The following PTPRG variants were observed in gnomAD, a reference collection of about 807,000 sequenced individuals.
PTPRG encodes receptor-type tyrosine-protein phosphatase gamma.
A neutral mutation model predicts 165.3 loss-of-function variants in PTPRG; 102 were observed. The observed-to-expected ratio is 0.62, with a 90% CI of 0.53 to 0.73. The LOEUF (loss-of-function observed/expected upper bound fraction) is 0.73, where lower values mean the gene tolerates loss of function less well. PTPRG is among the 30% of genes least tolerant of loss of function. The pLI, the probability that PTPRG is intolerant of heterozygous loss-of-function variation, is 0.00. For synonymous variants in PTPRG, 675 were observed against 669.5 expected, an observed-to-expected ratio of 1.01 and a Z score of -0.13; for missense variants, 1,866 against 1,861.4, an observed-to-expected ratio of 1.00 and a Z score of -0.05.
intron 2 of PTPRG, chr3:61,771,518 A>G (rs967951761): frequency 6.6e-6 from 1 of 152,142 alleles, no homozygotes; most frequent in Non-Finnish European, 1.5e-5. Context: ...AAGATCATCA[A>G]ATGCCTAGAC....
intron 2 of PTPRG, among the ~76,000 whole-genome samples, chr3:61,845,440 C>G (rs762278134): frequency 2.0e-5 from 3 of 152,336 alleles, no homozygotes; most frequent in African/African-American, 7.2e-5. Flanking sequence ...AATGTTTCCA[C>G]TGGGAAGATG....
chr3:61,824,215 A>G (rs921171192), intron 2 of PTPRG, among the ~76,000 whole-genome samples: 1 of 152,224 alleles, frequency 6.6e-6, no homozygotes, highest in Non-Finnish European at 1.5e-5. Flanking sequence ...ACACTAGACT[A>G]TTCCTATTGA....
At chr3:61,968,934 G>C (rs986435217) in intron 2 of PTPRG, among the ~76,000 whole-genome samples, 2 of 152,120 alleles carry the variant, frequency 1.3e-5, no homozygotes, top group Non-Finnish European at 2.9e-5. Context: ...TTGAGACATG[G>C]TGTTGTCTGT....
intron 3 of PTPRG, among the ~76,000 whole-genome samples, chr3:61,990,809 G>A (rs2040867294): frequency 6.6e-6 from 1 of 151,866 alleles, no homozygotes; most frequent in Non-Finnish European, 1.5e-5. Context: ...TCCCTTTCAG[G>A]AGCCTTGGCT....
chr3:61,612,859 TTGTG>T (rs57134478), intron 1 of PTPRG, among the ~76,000 whole-genome samples: 56,894 of 150,220 alleles, frequency 0.38, 11,359 homozygotes, highest in South Asian at 0.49. Flanking sequence ...TGGAATTAAT[TTGTG>T]TGTGTGTGTG....
chr3:61,883,014 C>T (rs150221345), intron 2 of PTPRG, among the ~76,000 whole-genome samples: 2 of 152,272 alleles, frequency 1.3e-5, no homozygotes, highest in Non-Finnish European at 2.9e-5. Context: ...CAACCTTCAA[C>T]CCCTGTGTTC....
chr3:62,094,947 G>A (rs147316893), intron 5 of PTPRG, among the ~76,000 whole-genome samples: 14 of 152,300 alleles, frequency 9.2e-5, no homozygotes, highest in African/African-American at 3.4e-4. Context: ...TCCACAGGCC[G>A]ACTGTGCCAT....
intron 2 of PTPRG, among the ~76,000 whole-genome samples, chr3:61,895,286 C>T (rs2107508836): frequency 6.6e-6 from 1 of 152,226 alleles, no homozygotes; most frequent in East Asian, 1.9e-4. Flanking sequence ...GTTTCTTGGA[C>T]CGTACTTTTA....
At chr3:61,944,516 C>G (rs1393223918) in intron 2 of PTPRG, among the ~76,000 whole-genome samples, 1 of 152,108 alleles carries the variant, frequency 6.6e-6, no homozygotes, top group East Asian at 1.9e-4. Flanking sequence ...ATTTAAGTCC[C>G]TCTCAGTTTG....
At chr3:61,913,851 G>T (rs973080014) in intron 2 of PTPRG, among the ~76,000 whole-genome samples, 8 of 152,150 alleles carry the variant, frequency 5.3e-5, no homozygotes, top group African/African-American at 1.9e-4. Flanking sequence ...TTTTAGTTTT[G>T]TCTGATGCTT....
At chr3:61,695,842 T>A (rs890121045) in intron 1 of PTPRG, among the ~76,000 whole-genome samples, 3 of 152,208 alleles carry the variant, frequency 2.0e-5, no homozygotes, top group African/African-American at 7.2e-5. Flanking sequence ...ATGTACAGAA[T>A]TAATCAATTT....
At chr3:61,669,497 C>A (rs890757354) in intron 1 of PTPRG, among the ~76,000 whole-genome samples, 2 of 152,196 alleles carry the variant, frequency 1.3e-5, no homozygotes, top group Non-Finnish European at 2.9e-5. Context: ...CTCCTTCTTA[C>A]TTCTCTTCCT....
chr3:62,287,920 T>C (rs986075237), intron 28 of PTPRG, among the ~76,000 whole-genome samples: 4 of 152,140 alleles, frequency 2.6e-5, no homozygotes, highest in African/African-American at 9.7e-5. Flanking sequence ...GCTACATTCA[T>C]TGATTACAAC....
rs1033162260 is a variant in PTPRG at position 62,297,263 on chromosome 3, T to G, written c.*3956T>G. 1.3e-5 allele frequency: 2 copies of G among 152,014 alleles called. No individual in the cohort carries two copies. The highest frequency in any genetic ancestry group is 4.8e-5 in the African/African-American group (2 of 41,424). 9.4% of individuals were successfully genotyped at this position (152,014 alleles called of 1,614,324 possible). The stretch of plus-strand genomic sequence containing the variant: ...TGTGGTGGATATGTGAATTCAACTT[T>G]CTGTGTATTGAAGTAGCAAAAACCA... On this transcript the variant is annotated 3_prime_UTR_variant, in exon 30 of 30. Coordinates refer to ENST00000474889, the MANE Select transcript of PTPRG (RefSeq NM_002841.4).
At chr3:62,227,534 G>C (rs929083900) in intron 13 of PTPRG, among the ~76,000 whole-genome samples, 1 of 152,242 alleles carries the variant, frequency 6.6e-6, no homozygotes, top group Non-Finnish European at 1.5e-5. Context: ...AGAGGAAACG[G>C]TTTCCAGAAG....
intron 12 of PTPRG, among the ~76,000 whole-genome samples, chr3:62,205,435 C>A (rs1216933819): frequency 2.0e-5 from 3 of 152,184 alleles, no homozygotes; most frequent in African/African-American, 4.8e-5. Flanking sequence ...CTTCTCTTCT[C>A]TTGGGGTTTG....
In PTPRG at chr3:61,739,550, G is replaced by A. The variant is rs992721865; in HGVS notation, c.86-9328G>A. On this transcript the variant is annotated intron_variant, in intron 1 of 29. Coordinates refer to ENST00000474889, the MANE Select transcript of PTPRG (RefSeq NM_002841.4). ...GAAGTATAGTTGTAGTGTAGTATCAGTTATAGAGGACTGAGAGTAATATCT... is the reference window on the plus strand; with the variant it reads ...GAAGTATAGTTGTAGTGTAGTATCAATTATAGAGGACTGAGAGTAATATCT... Among the ~76,000 whole-genome samples the A allele has an allele frequency of 3.9e-5, 6 of 152,186 alleles. No individual in the cohort carries two copies. The South Asian group carries it at 1.2e-3, about 32-fold the overall frequency.
rs1701277791 is a variant in PTPRG, at chr3:62,245,824, T to C, written c.2467+1926T>C. ...CATTTGCATGACTCTCATGTTAAAATTGTGTCCCTGACACCGAACTACATC... is the reference window on the plus strand; with the variant it reads ...CATTTGCATGACTCTCATGTTAAAACTGTGTCCCTGACACCGAACTACATC... On this transcript the variant is annotated intron_variant, in intron 15 of 29. Coordinates refer to ENST00000474889, the MANE Select transcript of PTPRG (RefSeq NM_002841.4). This position sits in a 1 kb window ranked among gnomAD's most constrained non-coding sequence, Gnocchi z 4.2. Among the ~76,000 whole-genome samples, 2 of 152,068 alleles carry C rather than the reference T, an allele frequency of 1.3e-5. No homozygotes were observed. Among genetic ancestry groups the C allele is most frequent in the African/African-American group, 4.8e-5 (2 of 41,416 alleles).
chr3:62,246,550 C>A (rs1701292299), intron 15 of PTPRG, among the ~76,000 whole-genome samples: 1 of 152,088 alleles, frequency 6.6e-6, no homozygotes, highest in Non-Finnish European at 1.5e-5. Flanking sequence ...ATTTCTTCTT[C>A]TTTAGTTATA....
Sources: gnomAD v4.1 joint callset for allele counts (sites outside exome capture counted in the v4.1 genomes callset) on GRCh38, gnomAD v4.1.1 for gene constraint, Gnocchi (gnomAD v3.1) non-coding constraint, MANE v1.5 for transcripts, NCBI Gene and HGNC (gene_info 2026-07-23, HGNC 2026-07-21) for gene names.